The following ADARB2 variants were observed in gnomAD, a reference collection of about 807,000 sequenced individuals.
ADARB2 encodes adenosine deaminase RNA specific B2 (inactive), also known as inactive double-stranded RNA-specific editase B2.
In ADARB2, 25 loss-of-function variants were observed where a neutral mutation model predicts 62.2. That is an observed-to-expected ratio of 0.40 (90% CI 0.29 to 0.56). The LOEUF (loss-of-function observed/expected upper bound fraction) is 0.56, where lower values mean the gene tolerates loss of function less well. Ranked by LOEUF, ADARB2 falls within the 20% of genes least tolerant of loss-of-function variation. The pLI is 0.43. For synonymous variants in ADARB2, 572 were observed against 500.8 expected (o/e 1.14, Z -1.90); for missense variants, 1,071 against 1,077.4 (o/e 0.99, Z 0.08).
At chr10:1,265,568 C>T (rs916301323) in intron 4 of ADARB2, among the ~76,000 whole-genome samples, 1 of 148,012 alleles carries the variant, frequency 6.8e-6, no homozygotes, top group African/African-American at 2.5e-5. Context: ...TCCCGGAAGA[C>T]GGCCTGAGTC....
chr10:1,605,280 CCT>C (rs981177022), intron 1 of ADARB2, among the ~76,000 whole-genome samples: 1 of 152,164 alleles, frequency 6.6e-6, no homozygotes, highest in Non-Finnish European at 1.5e-5. Flanking sequence ...ACAGGGAACC[CCT>C]GAGGGTTTGC....
chr10:1,261,724 G>A (rs1350348273), intron 4 of ADARB2, among the ~76,000 whole-genome samples: 1 of 150,196 alleles, frequency 6.7e-6, no homozygotes, highest in African/African-American at 2.5e-5. Flanking sequence ...CATTGTGGAA[G>A]TCAGTGTGGC....
chr10:1,416,445 A>C (rs1832802865), intron 1 of ADARB2, among the ~76,000 whole-genome samples: 1 of 152,200 alleles, frequency 6.6e-6, no homozygotes. Flanking sequence ...TCTGGGGTCC[A>C]AAGTCAGCAC....
rs142053117 is a variant in ADARB2, at chr10:1,536,641, A to G, written c.101-157481T>C. Among the ~76,000 whole-genome samples the G allele has an allele frequency of 6.6e-5, 10 of 152,274 alleles. No homozygotes were observed. In the East Asian group the frequency reaches 1.9e-3, roughly 29 times the overall value. On this transcript the variant is annotated intron_variant, in intron 1 of 9. Coordinates refer to ENST00000381312, the MANE Select transcript of ADARB2 (RefSeq NM_018702.4). ...TTATTTTCTGAATGTTGTAACTAGG[A>G]CTCTGGCTCTAGACAGGCAAAATGT...
In ADARB2 at chr10:1,206,957, G is replaced by A. The variant is rs373237794; in HGVS notation, c.1683-6810C>T. ...GGTGCTGGTGCAGGAGGGCAGAGCCGCGAAGGCAGCGGGGCTGCTGATTGT... is the reference window on the plus strand; with the variant it reads ...GGTGCTGGTGCAGGAGGGCAGAGCCACGAAGGCAGCGGGGCTGCTGATTGT... On this transcript the variant is annotated intron_variant, in intron 7 of 9. Transcript: ENST00000381312. 7.9e-5 allele frequency among the ~76,000 whole-genome samples: 12 copies of A among 152,332 alleles called. No homozygotes were observed. In the East Asian group the frequency reaches 1.9e-3, roughly 24 times the overall value.
At chr10:1,472,569 G>A (rs1360720663) in intron 1 of ADARB2, among the ~76,000 whole-genome samples, 1 of 152,226 alleles carries the variant, frequency 6.6e-6, no homozygotes, top group Non-Finnish European at 1.5e-5. Flanking sequence ...CCAGTTAGAG[G>A]AGAGAAATGT....
In ADARB2 at chr10:1,510,116, CTTTCTTTCTTTCTT is replaced by C. The variant is rs1564312511; in HGVS notation, c.101-130970_101-130957del. ...CTCTCTTTTCTTTCTTTCTCTCTTT[CTTTCTTTCTTTCTT>C]TCTTTCTTTCTTTCTTTCTTTCTTT... is the stretch of plus-strand genomic sequence containing the variant. On this transcript the variant is annotated intron_variant, in intron 1 of 9. Coordinates refer to ENST00000381312, the MANE Select transcript of ADARB2 (RefSeq NM_018702.4). Among the ~76,000 whole-genome samples the C allele has an allele frequency of 5.9e-4, 60 of 101,844 alleles. No homozygotes were observed. The Middle Eastern group carries it at 0.013, about 23-fold the overall frequency. The allele number at this position is 101,844 out of a possible 152,430, so 66.8% of individuals were successfully genotyped here. A position where few individuals can be genotyped will look rare whatever the true frequency, so the allele number is the denominator to read the frequency against.
Position 1,616,192 on chromosome 10 carries a change from G to A in ADARB2, c.100+120859C>T, listed in dbSNP as rs780845947. On this transcript the variant is annotated intron_variant, in intron 1 of 9. Transcript: ENST00000381312. ...ACCACATAGGAAGGGCATTGATGGTGGCTTGCATTTCTATAGAGGGTCCCA... is the reference window on the plus strand; with the variant it reads ...ACCACATAGGAAGGGCATTGATGGTAGCTTGCATTTCTATAGAGGGTCCCA... Among the ~76,000 whole-genome samples the A allele has an allele frequency of 5.6e-4, 86 of 152,306 alleles. 1 individual carries two copies. In the Middle Eastern group the frequency reaches 0.01, roughly 18 times the overall value.
At chr10:1,438,861 C>T in intron 1 of ADARB2, among the ~76,000 whole-genome samples, 5 of 108,640 alleles carry the variant, frequency 4.6e-5, no homozygotes, top group African/African-American at 1.5e-4. Flanking sequence ...TTCTGAGTCT[C>T]CCCCAGGATG....
chr10:1,641,805 G>C (rs1470220895), intron 1 of ADARB2, among the ~76,000 whole-genome samples: 1 of 152,208 alleles, frequency 6.6e-6, no homozygotes, highest in Non-Finnish European at 1.5e-5. Flanking sequence ...CTGAGGTCAG[G>C]AGTTTGAGAC....
chr10:1,441,137 T>C (rs1243512479), intron 1 of ADARB2, among the ~76,000 whole-genome samples: 4 of 152,218 alleles, frequency 2.6e-5, no homozygotes, highest in African/African-American at 7.2e-5. Flanking sequence ...TAGTTTCACT[T>C]GCTGTTGGGT....
intron 1 of ADARB2, among the ~76,000 whole-genome samples, chr10:1,521,370 C>T (rs1008814922): frequency 2.0e-5 from 3 of 152,148 alleles, no homozygotes; most frequent in South Asian, 2.1e-4. Flanking sequence ...TTTAAAACCT[C>T]GCTTCAGTCT....
Position 1,673,773 on chromosome 10 carries a change from C to T in ADARB2, c.100+63278G>A, listed in dbSNP as rs147079569. On this transcript the variant is annotated intron_variant, in intron 1 of 9. Coordinates refer to ENST00000381312, the MANE Select transcript of ADARB2 (RefSeq NM_018702.4). ...GGCTGAGGCCGTGCAGCCACTGCCA[C>T]CGCTCACTGCCAGGCAGGCCTTGCT... 5.4e-3 allele frequency among the ~76,000 whole-genome samples: 817 copies of T among 152,366 alleles called. 8 individuals carry two copies. Among genetic ancestry groups the T allele is most frequent in the African/African-American group, 0.019 (771 of 41,584 alleles).
intron 1 of ADARB2, among the ~76,000 whole-genome samples, chr10:1,415,205 T>C (rs913347201): frequency 2.0e-5 from 3 of 150,508 alleles, no homozygotes; most frequent in African/African-American, 7.3e-5. Context: ...AGATGGTGGA[T>C]GGATGGGTGG....
intron 6 of ADARB2, among the ~76,000 whole-genome samples, chr10:1,233,328 GT>G (rs1224395721): frequency 1.3e-5 from 2 of 152,190 alleles, no homozygotes; most frequent in Admixed American, 1.3e-4. Flanking sequence ...CCCCAACGCT[GT>G]GAGCAAAGGC....
chr10:1,734,081 T>A (rs554854751), intron 1 of ADARB2, among the ~76,000 whole-genome samples: 16 of 152,124 alleles, frequency 1.1e-4, no homozygotes, highest in African/African-American at 3.6e-4. Flanking sequence ...ACATAAAAAA[T>A]TTAAACCATT....
At chr10:1,476,743 A>G (rs1395965953) in intron 1 of ADARB2, among the ~76,000 whole-genome samples, 1 of 152,158 alleles carries the variant, frequency 6.6e-6, no homozygotes, top group Non-Finnish European at 1.5e-5. Flanking sequence ...AGGCACCGCC[A>G]TGCATCCAGG....
chr10:1,331,585 G>A (rs1306004922), intron 3 of ADARB2, among the ~76,000 whole-genome samples: 2 of 152,210 alleles, frequency 1.3e-5, no homozygotes, highest in East Asian at 3.8e-4. Flanking sequence ...GGGGCCAGGG[G>A]AGGGGAAAAT....
chr10:1,617,166 C>G (rs1014176481), intron 1 of ADARB2, among the ~76,000 whole-genome samples: 8 of 145,862 alleles, frequency 5.5e-5, no homozygotes, highest in South Asian at 2.2e-4. Context: ...GGGAACTGGC[C>G]TCAGAGGGCT....
Sources: allele counts gnomAD v4.1 joint callset (sites outside exome capture counted in the v4.1 genomes callset), GRCh38; gene constraint gnomAD v4.1.1; transcripts MANE v1.5; gene names NCBI Gene and HGNC (gene_info 2026-07-23, HGNC 2026-07-21).